Variants in SLC29A3 observed in about 807,000 individuals in gnomAD.
The protein encoded by SLC29A3 is equilibrative nucleoside transporter 3.
A neutral mutation model predicts 25.4 loss-of-function variants in SLC29A3; 18 were observed. The observed-to-expected ratio is 0.71, with a 90% CI of 0.49 to 1.05. SLC29A3 has a LOEUF of 1.05. Among genes scored for constraint, SLC29A3 ranks in the 50% least tolerant of loss-of-function variants. The pLI is 0.00. For missense variants in SLC29A3, 586 were observed against 609.0 expected (o/e 0.96, Z 0.40); for synonymous variants, 258 against 267.1 (o/e 0.97, Z 0.33).
intron 2 of SLC29A3, among the ~76,000 whole-genome samples, chr10:71,333,831 C>T (rs1295015142): frequency 6.6e-6 from 1 of 152,222 alleles, no homozygotes. Flanking sequence ...TGGGGTCACT[C>T]GTGCATGGAT....
chr10:71,363,503 A>C, downstream of SLC29A3: 1 of 372,618 alleles, frequency 2.7e-6, no homozygotes, highest in Non-Finnish European at 5.3e-6. Context: ...TTGCTCTGTC[A>C]CCCAGGCTGG....
At chr10:71,348,949 A>C (rs1384296472) in intron 3 of SLC29A3, among the ~76,000 whole-genome samples, 1 of 152,216 alleles carries the variant, frequency 6.6e-6, no homozygotes, top group African/African-American at 2.4e-5. Context: ...ACAAGAACAC[A>C]GTCCTGCTGG....
chr10:71,331,652 C>T (rs998491111), intron 2 of SLC29A3, among the ~76,000 whole-genome samples: 2 of 152,158 alleles, frequency 1.3e-5, no homozygotes, highest in African/African-American at 2.4e-5. Context: ...AAATTCTGGT[C>T]GTGACCCATC....
At chr10:71,365,304 G>A (rs1847161197), downstream of SLC29A3, 1 of 152,210 alleles carries the variant, frequency 6.6e-6, no homozygotes, top group Non-Finnish European at 1.5e-5. Context: ...AGCAGTCTCT[G>A]AGCTCAGAGA....
chr10:71,351,844 G>T, intron 4 of SLC29A3, 56 bp downstream of exon 4: 1 of 1,492,650 alleles, frequency 6.7e-7, no homozygotes, highest in South Asian at 1.2e-5. Context: ...AGTCATGGGA[G>T]GGAGCCAGAG....
intron 3 of SLC29A3, among the ~76,000 whole-genome samples, chr10:71,346,069 G>A (rs1361479211): frequency 5.3e-5 from 8 of 152,194 alleles, no homozygotes; most frequent in Admixed American, 5.2e-4. Flanking sequence ...CAGGAGGGAG[G>A]CTGTGACATT....
At chr10:71,363,467 TTTATTA>T, downstream of SLC29A3, 6 of 396,170 alleles carry the variant, frequency 1.5e-5, no homozygotes, top group Admixed American at 1.8e-4. Flanking sequence ...TTTTTTAAAA[TTTATTA>T]TTATTATTGA....
chr10:71,353,987 G>A (rs1299817736), intron 4 of SLC29A3, among the ~76,000 whole-genome samples: 1 of 152,118 alleles, frequency 6.6e-6, no homozygotes. Flanking sequence ...GGGCAGCTGG[G>A]GAGTGTCTTA....
At chr10:71,319,332 C>G (rs1259456370) in intron 1 of SLC29A3, 22 bp downstream of exon 1, 3 of 642,674 alleles carry the variant, frequency 4.7e-6, no homozygotes, top group Non-Finnish European at 8.4e-6. Context: ...CCGGCTCGGG[C>G]TCTTCCGGCT....
chr10:71,363,084 C>T lies in SLC29A3; in HGVS notation c.*476C>T, dbSNP rs748382606. ...TGGAATGGAAGTCCCCTGGCATGGT[C>T]AGTCCTCAGGCCCAAGACTCAAGTG... On this transcript the variant is annotated 3_prime_UTR_variant, in exon 6 of 6. Transcript: ENST00000373189. 11 of 450,616 alleles carry T rather than the reference C, an allele frequency of 2.4e-5. No homozygotes were observed. The highest frequency in any genetic ancestry group is 1.4e-4 in the East Asian group (2 of 14,360). 27.9% of individuals were successfully genotyped at this position (450,616 alleles called of 1,614,324 possible).
intron 4 of SLC29A3, among the ~76,000 whole-genome samples, chr10:71,376,759 G>GT (rs1024610913): frequency 6.6e-6 from 1 of 152,092 alleles, no homozygotes; most frequent in African/African-American, 2.4e-5. Context: ...TTGTTTCTGT[G>GT]TTTTTTTGTT....
chr10:71,319,789 G>C (rs1845808599), intron 1 of SLC29A3: 1 of 156,428 alleles, frequency 6.4e-6, no homozygotes, highest in Admixed American at 6.5e-5. Flanking sequence ...GGCACAGAGG[G>C]GCGAGCCACC....
At chr10:71,353,726 T>C (rs1846823190) in intron 4 of SLC29A3, among the ~76,000 whole-genome samples, 1 of 152,190 alleles carries the variant, frequency 6.6e-6, no homozygotes, top group Non-Finnish European at 1.5e-5. Flanking sequence ...ACTTGCTTTT[T>C]TCCAGCACAG....
intron 4 of SLC29A3, among the ~76,000 whole-genome samples, chr10:71,353,310 G>A (rs759779186): frequency 1.1e-4 from 17 of 152,206 alleles, no homozygotes; most frequent in East Asian, 5.8e-4. Context: ...ATGCATCAGC[G>A]ATGCTTTCAA....
chr10:71,375,058 G>A (rs1351147306), intron 3 of SLC29A3, among the ~76,000 whole-genome samples: 1 of 152,192 alleles, frequency 6.6e-6, no homozygotes, highest in African/African-American at 2.4e-5. Context: ...AGCGCAGGTG[G>A]GAGTACAGAA....
chr10:71,325,412 G>C (rs144695062), intron 2 of SLC29A3, among the ~76,000 whole-genome samples: 1 of 152,142 alleles, frequency 6.6e-6, no homozygotes, highest in Non-Finnish European at 1.5e-5. Context: ...TTATGTCATC[G>C]GCACATTACC....
At chr10:71,333,708 T>G (rs956043213) in intron 2 of SLC29A3, among the ~76,000 whole-genome samples, 1 of 152,256 alleles carries the variant, frequency 6.6e-6, no homozygotes, top group Admixed American at 6.5e-5. Context: ...TTGAAAGGCC[T>G]TCTTCCTCTT....
chr10:71,379,465 T>C (rs137980010), intron 4 of SLC29A3, among the ~76,000 whole-genome samples: 32 of 152,366 alleles, frequency 2.1e-4, no homozygotes, highest in Middle Eastern at 6.8e-3. Context: ...CTCTGCTTTA[T>C]TCCTTATATG....
At chr10:71,363,810 TTTC>T (rs1189581947), downstream of SLC29A3, among the ~76,000 whole-genome samples, 1,206 of 117,760 alleles carry the variant, frequency 0.01, 119 homozygotes, top group African/African-American at 0.037. Context: ...TCCTTTTTCT[TTTC>T]TTTTTTTTTT....
Sources: gnomAD v4.1 joint callset for allele counts (sites outside exome capture counted in the v4.1 genomes callset) on GRCh38, gnomAD v4.1.1 for gene constraint, MANE v1.5 for transcripts, NCBI Gene and HGNC (gene_info 2026-07-23, HGNC 2026-07-21) for gene names.